Variants in SNX2 observed in about 807,000 individuals in gnomAD.
The protein encoded by SNX2 is sorting nexin 2.
A neutral mutation model predicts 69.9 loss-of-function variants in SNX2; 25 were observed. That is an observed-to-expected ratio of 0.36 (90% CI 0.26 to 0.50). The LOEUF is 0.50. Among genes scored for constraint, SNX2 ranks in the 20% least tolerant of loss-of-function variants. The pLI is 0.97. For synonymous variants in SNX2, 229 were observed against 200.4 expected (o/e 1.14, Z -1.20); for missense variants, 551 against 613.3 (o/e 0.90, Z 1.07).
intron 11 of SNX2, among the ~76,000 whole-genome samples, chr5:122,821,919 T>C (rs1754034716): frequency 7.0e-6 from 1 of 143,724 alleles, no homozygotes; most frequent in South Asian, 2.6e-4. Context: ...ATTTTAAATT[T>C]CAATAAGTAT....
intron 1 of SNX2, among the ~76,000 whole-genome samples, chr5:122,786,999 A>C (rs72794687): frequency 6.6e-5 from 10 of 152,154 alleles, no homozygotes; most frequent in Non-Finnish European, 1.2e-4. Flanking sequence ...ACAGATGTCT[A>C]CTCAGTTGTA....
intron 1 of SNX2, among the ~76,000 whole-genome samples, chr5:122,788,066 A>AGCAG (rs1486544098): frequency 6.6e-6 from 1 of 152,012 alleles, no homozygotes; most frequent in Non-Finnish European, 1.5e-5. Context: ...TTTCTTTTTG[A>AGCAG]GCAGATCTGT....
At chr5:122,785,018 T>C (rs1207865503) in intron 1 of SNX2, among the ~76,000 whole-genome samples, 2 of 152,214 alleles carry the variant, frequency 1.3e-5, no homozygotes, top group Non-Finnish European at 2.9e-5. Context: ...GTAGTACTTA[T>C]CATCCTGTTA....
intron 3 of SNX2, 118 bp from the exon 4 acceptor site, chr5:122,801,751 G>T: frequency 1.5e-6 from 1 of 654,536 alleles, no homozygotes; most frequent in Non-Finnish European, 2.6e-6. Context: ...GAAGTGCTGG[G>T]TGGCTAAATT....
intron 1 of SNX2, among the ~76,000 whole-genome samples, chr5:122,785,342 C>CT (rs1753062996): frequency 6.6e-6 from 1 of 151,480 alleles, no homozygotes; most frequent in Admixed American, 6.6e-5. Flanking sequence ...GACAGGGAGT[C>CT]ACACTATGTT....
At position 122,823,866 on chromosome 5, in the gene SNX2, G is replaced by A. The variant is rs574715107; in HGVS notation, c.1213-2184G>A. On this transcript the variant is annotated intron_variant, in intron 11 of 14. Coordinates refer to ENST00000379516, the MANE Select transcript of SNX2 (RefSeq NM_003100.4). ...GTTAAGCTTTCCAACATGCGGCCGG[G>A]GACAGCTTTGAATGCAGCCCAACTC... Among the ~76,000 whole-genome samples the A allele has an allele frequency of 5.9e-5, 9 of 151,452 alleles. No individual in the cohort carries two copies. In the South Asian group the frequency reaches 1.9e-3, roughly 32 times the overall value.
chr5:122,801,035 G>A (rs951993651), intron 3 of SNX2, among the ~76,000 whole-genome samples: 3 of 152,090 alleles, frequency 2.0e-5, no homozygotes, highest in Non-Finnish European at 2.9e-5. Flanking sequence ...CCAGAAGAAC[G>A]TGTTTATTAG....
Position 122,831,082 on chromosome 5 carries a change from A to G in SNX2, c.*1434A>G, listed in dbSNP as rs1293100455. ...TTGTTTTTTAAAAAATATTCTTACAAACACCCCTCTTCTTGAGCTTAACCA... is the reference window on the plus strand; with the variant it reads ...TTGTTTTTTAAAAAATATTCTTACAGACACCCCTCTTCTTGAGCTTAACCA... On this transcript the variant is annotated 3_prime_UTR_variant, in exon 15 of 15. Transcript: ENST00000379516. Among the ~76,000 whole-genome samples, 1 of 151,924 alleles carries G rather than the reference A, an allele frequency of 6.6e-6. No individual in the cohort carries two copies. The highest frequency in any genetic ancestry group is 1.5e-5 in the Non-Finnish European group (1 of 68,030).
chr5:122,796,702 C>T (rs1753386356), intron 2 of SNX2, among the ~76,000 whole-genome samples: 1 of 152,138 alleles, frequency 6.6e-6, no homozygotes. Flanking sequence ...TAGGGTCATA[C>T]ATAGAGGTTT....
chr5:122,782,572 G>A (rs1753001747), intron 1 of SNX2, among the ~76,000 whole-genome samples: 1 of 151,626 alleles, frequency 6.6e-6, no homozygotes, highest in Non-Finnish European at 1.5e-5. Context: ...GTCTCACTCT[G>A]CTGCCCAGGC....
intron 7 of SNX2, among the ~76,000 whole-genome samples, chr5:122,809,841 G>A (rs561924709): frequency 1.3e-5 from 2 of 152,256 alleles, no homozygotes; most frequent in South Asian, 4.1e-4. Flanking sequence ...AAATCTTAGA[G>A]AAGGCTTAAA....
rs141703385 is a variant in SNX2, at chr5:122,816,986, C to T, written c.870C>T (p.Asp290=). ...TGAGGATGGTGAACAAGGCTGCCGACGCTGTCAACAAAATGACAATCAAGA... is the reference window on the plus strand; with the variant it reads ...TGAGGATGGTGAACAAGGCTGCCGATGCTGTCAACAAAATGACAATCAAGA... ...GILRMVNKAA[D]AVNKMTIKMN... Residue 290 remains aspartate (D), a synonymous_variant, in exon 9 of 15, where the codon GAC becomes GAT. Coordinates refer to ENST00000379516, the MANE Select transcript of SNX2 (RefSeq NM_003100.4). 5.3e-4 allele frequency: 855 copies of T among 1,613,760 alleles called. 4 individuals carry two copies. The Middle Eastern group carries it at 8.1e-3, about 15-fold the overall frequency.
intron 1 of SNX2, among the ~76,000 whole-genome samples, chr5:122,776,380 G>A (rs180878414): frequency 1.4e-3 from 209 of 152,134 alleles, no homozygotes; most frequent in Non-Finnish European, 2.5e-3. Flanking sequence ...GCAGCTTAGT[G>A]TTAATTTCCT....
intron 11 of SNX2, among the ~76,000 whole-genome samples, chr5:122,819,820 T>G (rs1413595837): frequency 6.6e-6 from 1 of 152,168 alleles, no homozygotes; most frequent in East Asian, 1.9e-4. Context: ...TGCAAAATTT[T>G]TTCAGCTAAA....
At chr5:122,780,917 T>C (rs1752966743) in intron 1 of SNX2, among the ~76,000 whole-genome samples, 1 of 152,200 alleles carries the variant, frequency 6.6e-6, no homozygotes, top group African/African-American at 2.4e-5. Flanking sequence ...ACTTTAAATG[T>C]GTGAATTTTT....
chr5:122,784,971 A>T (rs1753050669), intron 1 of SNX2, among the ~76,000 whole-genome samples: 1 of 152,214 alleles, frequency 6.6e-6, no homozygotes, highest in African/African-American at 2.4e-5. Flanking sequence ...TTATCCATTC[A>T]GTCTCAGTTG....
chr5:122,829,882 C>T lies in SNX2; in HGVS notation c.*234C>T, dbSNP rs1581651307. The stretch of plus-strand genomic sequence containing the variant: ...AAGTGGACTGTGGCATGACATTCTG[C>T]AATACTTTGCTGAATTGAACACTAT... On this transcript the variant is annotated 3_prime_UTR_variant, in exon 15 of 15. Transcript: ENST00000379516. The T allele has an allele frequency of 1.8e-6, 1 of 544,728 alleles. No homozygotes were observed. Among genetic ancestry groups the T allele is most frequent in the Non-Finnish European group, 3.3e-6 (1 of 302,170 alleles). The allele number at this position is 544,728 out of a possible 1,614,324, so 33.7% of individuals were successfully genotyped here.
At chr5:122,779,637 G>C (rs757453595) in intron 1 of SNX2, among the ~76,000 whole-genome samples, 17 of 152,176 alleles carry the variant, frequency 1.1e-4, no homozygotes, top group Non-Finnish European at 2.2e-4. Context: ...GTGTACAAGT[G>C]GAATTGCTGG....
intron 1 of SNX2, among the ~76,000 whole-genome samples, chr5:122,793,708 G>A (rs1216371592): frequency 2.6e-5 from 4 of 151,810 alleles, no homozygotes; most frequent in African/African-American, 7.3e-5. Context: ...TCAGGAGTTC[G>A]AGACCAGCCT....
Sources: gnomAD v4.1 joint callset for allele counts (sites outside exome capture counted in the v4.1 genomes callset) on GRCh38, gnomAD v4.1.1 for gene constraint, MANE v1.5 for transcripts, NCBI Gene and HGNC (gene_info 2026-07-23, HGNC 2026-07-21) for gene names.